ENOX1: variants seen among roughly 807,000 people sequenced by gnomAD.
ENOX1 encodes ecto-NOX disulfide-thiol exchanger 1.
Under a neutral mutation model 82.5 loss-of-function variants are expected in ENOX1, and 42 were observed. The observed-to-expected ratio is 0.51, with a 90% confidence interval of 0.40 to 0.66. ENOX1 has a LOEUF of 0.66. ENOX1 is among the 30% of genes least tolerant of loss of function. ENOX1 has a pLI of 0.00. For synonymous variants in ENOX1, 271 were observed against 282.2 expected (o/e 0.96, Z 0.40); for missense variants, 608 against 811.6 (o/e 0.75, Z 3.05).
intron 1 of ENOX1, among the ~76,000 whole-genome samples, chr13:43,687,601 A>C (rs2153801482): frequency 6.6e-6 from 1 of 152,274 alleles, no homozygotes. Flanking sequence ...CACTCTTCTT[A>C]TTTTAAGTTG....
At position 43,360,066 on chromosome 13, in the gene ENOX1, C is replaced by A; in HGVS notation, c.383-9G>T. ...GGAAGGAGGTGGAAGATCTAATAATCACAACAAAACAGAAAGTTTTATCTT... is the reference window on the plus strand; with the variant it reads ...GGAAGGAGGTGGAAGATCTAATAATAACAACAAAACAGAAAGTTTTATCTT... On this transcript the variant is annotated splice_polypyrimidine_tract_variant and intron_variant, in intron 6 of 16. Transcript: ENST00000690772. 6.2e-7 allele frequency: 1 copy of A among 1,612,190 alleles called. No homozygotes were observed. The highest frequency in any genetic ancestry group is 1.1e-5 in the South Asian group (1 of 90,926).
intron 2 of ENOX1, among the ~76,000 whole-genome samples, chr13:43,631,320 A>G (rs1477613103): frequency 6.6e-6 from 1 of 152,124 alleles, no homozygotes; most frequent in Non-Finnish European, 1.5e-5. Flanking sequence ...GGCCAAATTC[A>G]CTCTTGGCCT....
At chr13:43,716,339 G>T (rs763981400) in intron 1 of ENOX1, among the ~76,000 whole-genome samples, 4 of 152,134 alleles carry the variant, frequency 2.6e-5, no homozygotes, top group Non-Finnish European at 2.9e-5. Context: ...GACCCTGTTT[G>T]CCTGGGTATC....
intron 3 of ENOX1, among the ~76,000 whole-genome samples, chr13:43,415,175 C>T (rs2054368738): frequency 6.6e-6 from 1 of 151,208 alleles, no homozygotes; most frequent in Non-Finnish European, 1.5e-5. Flanking sequence ...GATTTATCCC[C>T]CAATGAAACT....
At chr13:43,553,990 C>G (rs1434385640) in intron 2 of ENOX1, among the ~76,000 whole-genome samples, 1 of 152,140 alleles carries the variant, frequency 6.6e-6, no homozygotes, top group African/African-American at 2.4e-5. Flanking sequence ...TTCAAGTGAT[C>G]CACACACCTT....
intron 1 of ENOX1, among the ~76,000 whole-genome samples, chr13:43,766,931 C>T (rs565612901): frequency 8.0e-5 from 12 of 150,382 alleles, no homozygotes; most frequent in African/African-American, 2.7e-4. Context: ...GAGATTCACG[C>T]TCTCATGGTG....
At chr13:43,365,858 G>A (rs968539736) in intron 5 of ENOX1, among the ~76,000 whole-genome samples, 2 of 152,238 alleles carry the variant, frequency 1.3e-5, no homozygotes, top group African/African-American at 4.8e-5. Context: ...CTCAAGTCCA[G>A]GGACAGAGTA....
chr13:43,743,762 G>C (rs1316974865), intron 1 of ENOX1, among the ~76,000 whole-genome samples: 16 of 152,186 alleles, frequency 1.1e-4, no homozygotes, highest in Admixed American at 1.0e-3. Context: ...AGTCTGTTTT[G>C]TAATGCTATA....
intron 5 of ENOX1, among the ~76,000 whole-genome samples, chr13:43,397,893 G>A (rs2053249513): frequency 1.3e-5 from 2 of 152,148 alleles, no homozygotes; most frequent in Non-Finnish European, 2.9e-5. Flanking sequence ...CTTATGTTTT[G>A]GAGGCTAAGA....
chr13:43,432,137 T>C (rs1424879190), intron 3 of ENOX1, among the ~76,000 whole-genome samples: 4 of 152,154 alleles, frequency 2.6e-5, no homozygotes, highest in Non-Finnish European at 4.4e-5. Flanking sequence ...TTGTGTGGTG[T>C]GGCAAGCTTC....
At chr13:43,338,429 G>C (rs2048840775) in intron 9 of ENOX1, among the ~76,000 whole-genome samples, 1 of 152,170 alleles carries the variant, frequency 6.6e-6, no homozygotes, top group African/African-American at 2.4e-5. Context: ...AGACTAGGAT[G>C]CTATCGGGAT....
chr13:43,747,933 A>T (rs1459791898), intron 1 of ENOX1, among the ~76,000 whole-genome samples: 1 of 152,214 alleles, frequency 6.6e-6, no homozygotes, highest in Non-Finnish European at 1.5e-5. Flanking sequence ...AGGAATTTAG[A>T]CAACAAATCA....
chr13:43,411,397 T>A (rs533393874), intron 5 of ENOX1, among the ~76,000 whole-genome samples: 173 of 152,304 alleles, frequency 1.1e-3, no homozygotes, highest in Admixed American at 2.4e-3. Flanking sequence ...TGCATTGTAT[T>A]AGGATTTCAC....
rs1460115422 is a variant in ENOX1, at chr13:43,786,248, G to C, written c.-285+404C>G. On this transcript the variant is annotated intron_variant, in intron 1 of 16. Transcript: ENST00000690772. The surrounding 1 kb of genome is among the most constrained non-coding windows in gnomAD (Gnocchi z 6.0). Reference sequence around the variant, plus strand: ...CGGGAACACTGTGTGGGCAGGAACGGGTCCCGGGGGCGACGCCCGCAGGGG... The same window carrying C: ...CGGGAACACTGTGTGGGCAGGAACGCGTCCCGGGGGCGACGCCCGCAGGGG... Among the ~76,000 whole-genome samples, 1 of 152,138 alleles carries C rather than the reference G, an allele frequency of 6.6e-6. No individual in the cohort carries two copies. The highest frequency in any genetic ancestry group is 1.5e-5 in the Non-Finnish European group (1 of 68,014).
intron 5 of ENOX1, among the ~76,000 whole-genome samples, chr13:43,402,413 T>C (rs1046348318): frequency 3.9e-5 from 6 of 152,212 alleles, no homozygotes. Flanking sequence ...TTTATATAAA[T>C]GAACCAAATT....
At chr13:43,449,592 C>A (rs547134443) in intron 3 of ENOX1, among the ~76,000 whole-genome samples, 1 of 151,996 alleles carries the variant, frequency 6.6e-6, no homozygotes, top group Non-Finnish European at 1.5e-5. Context: ...AAGTAACTTT[C>A]ATAAGGCAAA....
rs75387166 is a variant in ENOX1 at position 43,701,493 on chromosome 13, G to A, written c.-284-33949C>T. On this transcript the variant is annotated intron_variant, in intron 1 of 16. Coordinates refer to ENST00000690772, the MANE Select transcript of ENOX1 (RefSeq NM_001347969.2). ...TAACTGTTATACCCATGCAATTATTGTGTGTATACCTTAGTGCTTACACAA... is the reference window on the plus strand; with the variant it reads ...TAACTGTTATACCCATGCAATTATTATGTGTATACCTTAGTGCTTACACAA... Among the ~76,000 whole-genome samples, 7 of 151,944 alleles carry A rather than the reference G, an allele frequency of 4.6e-5. No individual in the cohort carries two copies. In the East Asian group the frequency reaches 7.7e-4, roughly 17 times the overall value.
In ENOX1 at chr13:43,291,603, C is replaced by T. The variant is rs1220055626; in HGVS notation, c.1446+6743G>A. Among the ~76,000 whole-genome samples, 14 of 152,082 alleles carry T rather than the reference C, an allele frequency of 9.2e-5. 1 individual carries two copies. Among genetic ancestry groups the T allele is most frequent in the Admixed American group, 8.5e-4 (13 of 15,260 alleles). ...CCTTTCTCTATATGTTTCCGGGCAG[C>T]CAGAACAATTTGCAATACTCTCCAT... On this transcript the variant is annotated intron_variant, in intron 12 of 16. Coordinates refer to ENST00000690772, the MANE Select transcript of ENOX1 (RefSeq NM_001347969.2).
chr13:43,783,742 C>T (rs1043309857), intron 1 of ENOX1, among the ~76,000 whole-genome samples: 13 of 152,256 alleles, frequency 8.5e-5, no homozygotes, highest in African/African-American at 2.6e-4. Context: ...CCCAATCTTG[C>T]ATTTTTCAGT....
Sources: allele counts gnomAD v4.1 joint callset (sites outside exome capture counted in the v4.1 genomes callset), GRCh38; gene constraint gnomAD v4.1.1; non-coding constraint Gnocchi (gnomAD v3.1); transcripts MANE v1.5; gene names NCBI Gene and HGNC (gene_info 2026-07-23, HGNC 2026-07-21).